The following HS6ST3 variants were observed in gnomAD, a reference collection of about 807,000 sequenced individuals.
The protein encoded by HS6ST3 is heparan sulfate 6-O-sulfotransferase 3.
Under a neutral mutation model 36.7 loss-of-function variants are expected in HS6ST3, and 12 were observed. That is an observed-to-expected ratio of 0.33 (90% CI 0.21 to 0.53). The LOEUF is 0.53. Ranked by LOEUF, HS6ST3 falls within the 20% of genes least tolerant of loss-of-function variation. The probability of loss-of-function intolerance (pLI) is 0.95; values close to 1 mark genes in which losing one functional copy is unlikely to be tolerated. For missense variants in HS6ST3, 584 were observed against 640.9 expected (o/e 0.91, Z 0.96); for synonymous variants, 240 against 257.5 (o/e 0.93, Z 0.65).
At chr13:96,624,663 T>C (rs2056506129) in intron 1 of HS6ST3, among the ~76,000 whole-genome samples, 1 of 151,406 alleles carries the variant, frequency 6.6e-6, no homozygotes, top group South Asian at 2.1e-4. Context: ...GTATACCCAA[T>C]GATTAGTTCC....
chr13:96,725,972 C>T (rs1875993732), intron 1 of HS6ST3, among the ~76,000 whole-genome samples: 3 of 151,848 alleles, frequency 2.0e-5, no homozygotes, highest in Admixed American at 6.6e-5. Flanking sequence ...TGAGTAGCTG[C>T]GATTACAGGC....
In HS6ST3 at chr13:96,632,441, C is replaced by T. The variant is rs185016940; in HGVS notation, c.708-200049C>T. On this transcript the variant is annotated intron_variant, in intron 1 of 1. Coordinates refer to ENST00000376705, the MANE Select transcript of HS6ST3 (RefSeq NM_153456.4). Reference sequence around the variant, plus strand: ...TTCTTTTAATTCAAGAATATCAACTCGTGAACAGTTGTTTTGGGGGCTCCT... The same window carrying T: ...TTCTTTTAATTCAAGAATATCAACTTGTGAACAGTTGTTTTGGGGGCTCCT... Among the ~76,000 whole-genome samples the T allele has an allele frequency of 5.2e-3, 787 of 152,178 alleles. 8 individuals carry two copies. Among genetic ancestry groups the T allele is most frequent in the African/African-American group, 0.018 (748 of 41,516 alleles).
intron 1 of HS6ST3, among the ~76,000 whole-genome samples, chr13:96,521,779 T>A (rs185735774): frequency 2.6e-5 from 4 of 152,338 alleles, no homozygotes; most frequent in African/African-American, 7.2e-5. Flanking sequence ...TCTATCTATT[T>A]TGTTGATCTT....
chr13:96,457,178 A>T (rs1384374509), intron 1 of HS6ST3, among the ~76,000 whole-genome samples: 1 of 152,148 alleles, frequency 6.6e-6, no homozygotes, highest in Non-Finnish European at 1.5e-5. Flanking sequence ...GTGGACAAAC[A>T]CTTATTCTTT....
At chr13:96,443,359 G>A (rs1161691575) in intron 1 of HS6ST3, among the ~76,000 whole-genome samples, 1 of 151,422 alleles carries the variant, frequency 6.6e-6, no homozygotes, top group Non-Finnish European at 1.5e-5. Flanking sequence ...TGAAACCCTG[G>A]CTCTACTAAA....
chr13:96,157,968 T>G (rs963871113), intron 1 of HS6ST3, among the ~76,000 whole-genome samples: 1 of 152,220 alleles, frequency 6.6e-6, no homozygotes, highest in Non-Finnish European at 1.5e-5. Flanking sequence ...GGGGCGGGAC[T>G]GTACAAAGGT....
Position 96,090,981 on chromosome 13 carries a change from A to C in HS6ST3, c.119A>C (p.Gln40Pro). The C allele has an allele frequency of 1.5e-6, 2 of 1,365,638 alleles. No homozygotes were observed. Among genetic ancestry groups the C allele is most frequent in the Non-Finnish European group, 1.9e-6 (2 of 1,049,524 alleles). The allele number at this position is 1,365,638 out of a possible 1,614,324, so 84.6% of individuals were successfully genotyped here. The stretch of plus-strand genomic sequence containing the variant: ...AGCTCCTGCACCAACTTCGGGGAGC[A>C]GCCCCGCGCGGGGGAGGCCGGCCCG... Reference protein sequence around the residue: ...CTSSCTNFGEQPRAGEAGPPA... With the variant: ...CTSSCTNFGEPPRAGEAGPPA... Residue 40 changes from glutamine to proline, a missense_variant, in exon 1 of 2, where the codon CAG (glutamine) becomes CCG (proline). Physicochemically the swap from Gln to Pro is moderately conservative, Grantham distance 76. Transcript: ENST00000376705.
intron 1 of HS6ST3, among the ~76,000 whole-genome samples, chr13:96,741,956 A>G (rs1876449524): frequency 6.6e-6 from 1 of 152,162 alleles, no homozygotes; most frequent in Non-Finnish European, 1.5e-5. Flanking sequence ...ACTGCCTTCT[A>G]TGTGATTCAT....
At chr13:96,700,166 G>T (rs528312566) in intron 1 of HS6ST3, among the ~76,000 whole-genome samples, 35 of 152,292 alleles carry the variant, frequency 2.3e-4, no homozygotes, top group Middle Eastern at 3.4e-3. Flanking sequence ...CAAAGAAAAA[G>T]AGATTTAATA....
intron 1 of HS6ST3, among the ~76,000 whole-genome samples, chr13:96,612,682 A>G (rs2056460784): frequency 6.6e-6 from 1 of 151,758 alleles, no homozygotes; most frequent in South Asian, 2.1e-4. Context: ...GTCATCCTGG[A>G]CTCCTCTCTC....
chr13:96,170,242 C>T (rs1451365020), intron 1 of HS6ST3, among the ~76,000 whole-genome samples: 4 of 152,224 alleles, frequency 2.6e-5, no homozygotes, highest in Non-Finnish European at 5.9e-5. Context: ...ATTCAATCTG[C>T]ACCACCAGGT....
chr13:96,149,348 C>T (rs1348142709), intron 1 of HS6ST3, among the ~76,000 whole-genome samples: 1 of 152,120 alleles, frequency 6.6e-6, no homozygotes, highest in Admixed American at 6.5e-5. Context: ...GAGAGTAGCT[C>T]ATGATCATTT....
chr13:96,093,180 T>C (rs1221177460), intron 1 of HS6ST3, among the ~76,000 whole-genome samples: 2 of 152,212 alleles, frequency 1.3e-5, no homozygotes, highest in Non-Finnish European at 2.9e-5. Context: ...TGGAGTCTTA[T>C]TGATTATCAC....
intron 1 of HS6ST3, among the ~76,000 whole-genome samples, chr13:96,653,028 G>T (rs2139013848): frequency 6.6e-6 from 1 of 152,066 alleles, no homozygotes; most frequent in South Asian, 2.1e-4. Flanking sequence ...TTTAAAAAAT[G>T]TTTTGTTTAA....
chr13:96,265,356 T>G (rs1416329345), intron 1 of HS6ST3, among the ~76,000 whole-genome samples: 2 of 151,854 alleles, frequency 1.3e-5, no homozygotes, highest in African/African-American at 4.8e-5. Flanking sequence ...AAATTTTCTT[T>G]TTTTATAGAG....
chr13:96,765,060 CTTTTTTTTTTT>C (rs11423735), intron 1 of HS6ST3, among the ~76,000 whole-genome samples: 6 of 93,910 alleles, frequency 6.4e-5, no homozygotes, highest in Admixed American at 2.7e-4. Context: ...TTGTTTCTTT[CTTTTTTTTTTT>C]TTTTTTTTTT....
intron 1 of HS6ST3, among the ~76,000 whole-genome samples, chr13:96,659,848 A>G (rs901858204): frequency 2.6e-5 from 4 of 152,118 alleles, no homozygotes; most frequent in Non-Finnish European, 5.9e-5. Flanking sequence ...CTGTTGATAC[A>G]TAAACAGAAA....
At chr13:96,116,187 C>T (rs979313243) in intron 1 of HS6ST3, among the ~76,000 whole-genome samples, 1 of 152,192 alleles carries the variant, frequency 6.6e-6, no homozygotes, top group Non-Finnish European at 1.5e-5. Flanking sequence ...GGAATTAGCT[C>T]TCCTTCAACG....
At chr13:96,425,901 A>T (rs1345132105) in intron 1 of HS6ST3, among the ~76,000 whole-genome samples, 1 of 151,786 alleles carries the variant, frequency 6.6e-6, no homozygotes, top group Non-Finnish European at 1.5e-5. Context: ...AATTTCTTTC[A>T]TTTATTGCAC....
Sources: allele counts gnomAD v4.1 joint callset (sites outside exome capture counted in the v4.1 genomes callset), GRCh38; gene constraint gnomAD v4.1.1; transcripts MANE v1.5; gene names NCBI Gene and HGNC (gene_info 2026-07-23, HGNC 2026-07-21).